The following CHRNA4 variants were observed in gnomAD, a reference collection of about 807,000 sequenced individuals.
CHRNA4 encodes the protein neuronal acetylcholine receptor subunit alpha-4.
In CHRNA4, 28 loss-of-function variants were observed where a neutral mutation model predicts 48.9. The observed-to-expected ratio is 0.57, with a 90% CI of 0.42 to 0.79. The LOEUF (loss-of-function observed/expected upper bound fraction) is 0.79, where lower values mean the gene tolerates loss of function less well. Ranked by LOEUF, CHRNA4 falls within the 30% of genes least tolerant of loss-of-function variation. The pLI is 0.00. For synonymous variants in CHRNA4, 425 were observed against 402.3 expected, an observed-to-expected ratio of 1.06 and a Z score of -0.68; for missense variants, 859 against 898.4, an observed-to-expected ratio of 0.96 and a Z score of 0.56.
At chr20:63,359,916 T>TGCCGGGCGTGCGCTGTGTGTGTGTGG in intron 1 of CHRNA4, 1 of 438,546 alleles carries the variant, frequency 2.3e-6, no homozygotes, top group Non-Finnish European at 4.2e-6. Flanking sequence ...TGTGTGTGTG[T>TGCCGGGCGTGCGCTGTGTGTGTGTGG]GTGTGTGTGT....
At position 63,347,034 on chromosome 20, in the gene CHRNA4, G is replaced by A. The variant is rs1025225297; in HGVS notation, c.1759-171C>T. 4.3e-6 allele frequency: 4 copies of A among 938,616 alleles called. No individual in the cohort carries two copies. The African/African-American group carries it at 4.9e-5, about 11-fold the overall frequency. 58.1% of individuals were successfully genotyped at this position (938,616 alleles called of 1,614,324 possible). The stretch of plus-strand genomic sequence containing the variant: ...AGCTGCACCGAGGGGAGGAATTGGG[G>A]TGCACGGGACAGCCAGTGCTCTGCG... On this transcript the variant is annotated intron_variant, in intron 5 of 5. Coordinates refer to ENST00000370263, the MANE Select transcript of CHRNA4 (RefSeq NM_000744.7).
At position 63,345,482 on chromosome 20, in the gene CHRNA4, AG is replaced by A. The variant is rs1164140819; in HGVS notation, c.*1255del. ...GGGGGCTGCCGGGTGCGCCATCTTT[AG>A]GGGGTGCACTGCCGGGCTCCAGGGT... On this transcript the variant is annotated 3_prime_UTR_variant, in exon 6 of 6. Transcript: ENST00000370263. The surrounding 1 kb of genome is among the most constrained non-coding windows in gnomAD (Gnocchi z 5.4). 11 of 389,406 alleles carry A rather than the reference AG, an allele frequency of 2.8e-5. No homozygotes were observed. In the East Asian group the frequency reaches 7.4e-4, roughly 26 times the overall value. 24.1% of individuals were successfully genotyped at this position (389,406 alleles called of 1,614,324 possible).
Position 63,343,712 on chromosome 20 carries a change from C to A in CHRNA4, c.*3026G>T, listed in dbSNP as rs2068439975. 2.2e-6 allele frequency: 1 copy of A among 448,042 alleles called. No individual in the cohort carries two copies. Among genetic ancestry groups the A allele is most frequent in the South Asian group, 1.6e-5 (1 of 64,030 alleles). 27.8% of individuals were successfully genotyped at this position (448,042 alleles called of 1,614,324 possible). A position where few individuals can be genotyped will look rare whatever the true frequency, so the allele number is the denominator to read the frequency against. ...GGCCAGGGCCTTCACTGGGGCCTCC[C>A]CTGGGAAGGAGGGGGCAGGATGGCG... is the stretch of plus-strand genomic sequence containing the variant. On this transcript the variant is annotated 3_prime_UTR_variant, in exon 6 of 6. Transcript: ENST00000370263.
Position 63,350,495 on chromosome 20 carries a change from T to G in CHRNA4, c.916A>C (p.Ile306Leu). Reference sequence around the variant, plus strand: ...ATGGTGAACAGCAGGTACTCGCCGATGAGTGGGATGACCAGTGAGGTGGAC... The same window carrying G: ...ATGGTGAACAGCAGGTACTCGCCGAGGAGTGGGATGACCAGTGAGGTGGAC... Reference protein sequence around the residue: ...IPSTSLVIPLIGEYLLFTMIF... With the variant: ...IPSTSLVIPLLGEYLLFTMIF... Residue 306 changes from isoleucine (I) to leucine (L), a missense_variant, in exon 5 of 6, where the codon ATC becomes CTC. Physicochemically the swap from Ile to Leu is conservative, Grantham distance 5. This residue lies in a region of CHRNA4 where 39 missense variants were observed against 77.7 expected (regional missense o/e 0.50). Transcript: ENST00000370263. 1 of 1,612,798 alleles carries G rather than the reference T, an allele frequency of 6.2e-7. No individual in the cohort carries two copies. The highest frequency in any genetic ancestry group is 8.5e-7 in the Non-Finnish European group (1 of 1,179,814).
In CHRNA4 at chr20:63,349,657, A is replaced by C; in HGVS notation, c.1754T>G (p.Phe585Cys). The C allele has an allele frequency of 1.2e-6, 2 of 1,612,728 alleles. No individual in the cohort carries two copies. The highest frequency in any genetic ancestry group is 1.7e-6 in the Non-Finnish European group (2 of 1,179,866). ...ADHLKAEDTD[F>C]SVKEDWKYVA... ...ACAGCCATGGGCGGGACTTACCGAG[A>C]AGTCTGTGTCTTCGGCCTTCAGGTG... Residue 585 changes from phenylalanine to cysteine, a missense_variant, in exon 5 of 6, where the codon TTC becomes TGC. By Grantham distance (205) the Phe-to-Cys change is radical. Around this residue, in one of 3 missense-constraint regions of CHRNA4, gnomAD observed 478 missense variants for 455.4 expected, o/e 1.05. Coordinates refer to ENST00000370263, the MANE Select transcript of CHRNA4 (RefSeq NM_000744.7).
In CHRNA4 at chr20:63,349,814, A is replaced by G; in HGVS notation, c.1597T>C (p.Cys533Arg). ...GACACCGAAGAGGGCTCCTTCTTGC[A>G]TGTGCATTTGCACGGAGAGGGCTGG... ...PDQPSPCKCT[C>R]KKEPSSVSPS... The change falls in exon 5 of 6, where the codon TGC (cysteine) becomes CGC (arginine). Residue 533 changes from cysteine (C) to arginine (R), a missense_variant. Coordinates refer to ENST00000370263, the MANE Select transcript of CHRNA4 (RefSeq NM_000744.7). The G allele has an allele frequency of 1.2e-6, 2 of 1,603,738 alleles. No individual in the cohort carries two copies. The highest frequency in any genetic ancestry group is 1.7e-6 in the Non-Finnish European group (2 of 1,172,968).
chr20:63,346,459 G>A lies in CHRNA4; in HGVS notation c.*279C>T, dbSNP rs1369093059. 1.6e-6 allele frequency: 1 copy of A among 614,100 alleles called. No individual in the cohort carries two copies. Among genetic ancestry groups the A allele is most frequent in the Non-Finnish European group, 3.0e-6 (1 of 329,938 alleles). 38.0% of individuals were successfully genotyped at this position (614,100 alleles called of 1,614,324 possible). On this transcript the variant is annotated 3_prime_UTR_variant, in exon 6 of 6. Transcript: ENST00000370263. ...TCAGGAGACTCTTGAACTGGACTTA[G>A]CCCGAGTCCTGCAGGTAGAAGGCGC...
In CHRNA4 at chr20:63,350,000, T is replaced by TGTGCTGGACGC. The variant is rs1568808423; in HGVS notation, c.1400_1410dup (p.Met471AlafsTer98). 2 of 1,538,816 alleles carry TGTGCTGGACGC rather than the reference T, an allele frequency of 1.3e-6. No individual in the cohort carries two copies. The highest frequency in any genetic ancestry group is 2.5e-5 in the South Asian group (2 of 80,876). On this transcript the variant is annotated frameshift_variant, in exon 5 of 6. Transcript: ENST00000370263. LOFTEE classifies it high-confidence loss of function. Reference sequence around the variant, plus strand: ...TCCACCGCTTCGCCAGGGCTGGACATGTGCTGGACGCTGAGGGACCTGGCT... The same window carrying TGTGCTGGACGC: ...TCCACCGCTTCGCCAGGGCTGGACATGTGCTGGACGCGTGCTGGACGCTGAGGGACCTGGCT...
intron 5 of CHRNA4, among the ~76,000 whole-genome samples, chr20:63,348,957 C>A (rs2068538685): frequency 6.6e-6 from 1 of 152,242 alleles, no homozygotes; most frequent in Admixed American, 6.5e-5. Flanking sequence ...TTAGCAGAAA[C>A]TGTGGCTCCT....
intron 2 of CHRNA4, among the ~76,000 whole-genome samples, chr20:63,357,131 C>T (rs1274215927): frequency 5.5e-5 from 7 of 127,930 alleles, no homozygotes; most frequent in South Asian, 2.9e-4. Flanking sequence ...CACGTCTCCA[C>T]GGACCGTGTC....
Position 63,349,957 on chromosome 20 carries a change from C to A in CHRNA4, c.1454G>T (p.Arg485Leu). Residue 485 changes from arginine (R) to leucine (L), a missense_variant, in exon 5 of 6, where the codon CGG becomes CTG. Coordinates refer to ENST00000370263, the MANE Select transcript of CHRNA4 (RefSeq NM_000744.7). The part of the protein sequence containing the change: ...GEAVEGGVRC[R>L]SRSIQYCVPR... ...AACACAGTACTGGATGCTCCGAGAC[C>A]GGCACCGGACGCCGCCTTCCACCGC... 6.4e-7 allele frequency: 1 copy of A among 1,567,020 alleles called. No homozygotes were observed. The highest frequency in any genetic ancestry group is 8.7e-7 in the Non-Finnish European group (1 of 1,155,246).
intron 2 of CHRNA4, among the ~76,000 whole-genome samples, chr20:63,357,153 ACGTCTC>A (rs2068733226): frequency 1.2e-5 from 1 of 85,574 alleles, no homozygotes; most frequent in Admixed American, 1.3e-4. Context: ...CCACAGGACC[ACGTCTC>A]CACAGGACCA....
In CHRNA4 at chr20:63,350,668, A is replaced by C; in HGVS notation, c.743T>G (p.Ile248Ser). The change falls in exon 5 of 6, where the codon ATC becomes AGC. Residue 248 changes from isoleucine to serine, a missense_variant. By Grantham distance (142) the Ile-to-Ser change is moderately radical. Transcript: ENST00000370263. The stretch of plus-strand genomic sequence containing the variant: ...GAGCAGGCAGGGGATGATGAGGTTG[A>C]TGGTGTAGAAGAGCGGCAGCCGCCG... Reference protein sequence around the residue: ...VIRRLPLFYTINLIIPCLLIS... With the variant: ...VIRRLPLFYTSNLIIPCLLIS... The C allele has an allele frequency of 6.2e-7, 1 of 1,613,836 alleles. No individual in the cohort carries two copies. The highest frequency in any genetic ancestry group is 1.7e-5 in the Admixed American group (1 of 59,994).
At position 63,356,374 on chromosome 20, in the gene CHRNA4, C is replaced by T. The variant is rs2145401983; in HGVS notation, c.270G>A (p.Lys90=). ...AGGGCAGTGCCCTCCCACTCACCTG[C>T]TTCACCCATACGTTCGTGGTCATCA... ...NQMMTTNVWV[K]QEWHDYKLRW... is the part of the protein sequence containing the mutation. Residue 90 remains lysine (K), a synonymous_variant, in exon 3 of 6, where the codon AAG becomes AAA. Coordinates refer to ENST00000370263, the MANE Select transcript of CHRNA4 (RefSeq NM_000744.7). 6.3e-7 allele frequency: 1 copy of T among 1,594,340 alleles called. No homozygotes were observed. The highest frequency in any genetic ancestry group is 1.1e-5 in the South Asian group (1 of 87,648).
chr20:63,348,554 C>T (rs1450507798), intron 5 of CHRNA4, among the ~76,000 whole-genome samples: 3 of 152,176 alleles, frequency 2.0e-5, no homozygotes, highest in East Asian at 1.9e-4. Flanking sequence ...TCGAGGATGG[C>T]GCTCTGGGGT....
intron 2 of CHRNA4, among the ~76,000 whole-genome samples, chr20:63,358,787 G>A (rs930992318): frequency 2.0e-5 from 3 of 152,178 alleles, no homozygotes; most frequent in African/African-American, 7.2e-5. Context: ...TGGGAAACGT[G>A]GAAATGTCTC....
chr20:63,355,883 T>G, intron 4 of CHRNA4, 92 bp downstream of exon 4: 1 of 1,536,274 alleles, frequency 6.5e-7, no homozygotes, highest in East Asian at 2.4e-5. Context: ...AGGCTGGGCC[T>G]TGGTGGAGCT....
intron 4 of CHRNA4, among the ~76,000 whole-genome samples, chr20:63,353,635 TGG>T: frequency 1.5e-5 from 1 of 66,086 alleles, no homozygotes; most frequent in South Asian, 7.2e-4. Context: ...GCTGTGGTCC[TGG>T]AGGGGCTGTA....
chr20:63,358,095 C>A (rs899594977), intron 2 of CHRNA4, among the ~76,000 whole-genome samples: 6 of 152,202 alleles, frequency 3.9e-5, no homozygotes, highest in African/African-American at 1.4e-4. Context: ...CCTGTGCAAC[C>A]CGCATTGTCT....
Sources: allele counts gnomAD v4.1 joint callset (sites outside exome capture counted in the v4.1 genomes callset), GRCh38; gene constraint gnomAD v4.1.1; regional missense constraint gnomAD v4.1.1; non-coding constraint Gnocchi (gnomAD v3.1); transcripts MANE v1.5; gene names NCBI Gene and HGNC (gene_info 2026-07-23, HGNC 2026-07-21).